The following JAK1 variants were observed in gnomAD, a reference collection of about 807,000 sequenced individuals.
JAK1 encodes the protein tyrosine-protein kinase JAK1.
Under a neutral mutation model 136.6 loss-of-function variants are expected in JAK1, and 16 were observed. That is an observed-to-expected ratio of 0.12 (90% CI 0.08 to 0.18). The LOEUF is 0.18. JAK1 is among the 10% of genes least tolerant of loss of function. The pLI is 1.00. For missense variants in JAK1, 859 were observed against 1,450.1 expected, an observed-to-expected ratio of 0.59 and a Z score of 6.62; for synonymous variants, 492 against 519.5, an observed-to-expected ratio of 0.95 and a Z score of 0.72.
intron 1 of JAK1, among the ~76,000 whole-genome samples, chr1:64,933,183 A>G (rs1294286455): frequency 6.6e-6 from 1 of 152,240 alleles, no homozygotes; most frequent in East Asian, 1.9e-4. Context: ...ACAGATGAGC[A>G]AAACAAGGTA....
At position 65,007,896 on chromosome 1, in the gene JAK1, C is replaced by T. The variant is rs187201824; in HGVS notation, c.-78+36584G>A. On this transcript the variant is annotated intron_variant, in intron 2 of 25. Coordinates refer to the JAK1 transcript ENST00000671954. ...GAGTAAGTGGGGCTACAGGTGCACA[C>T]CACCACACTCAGCTAATTTTTGTAT... Among the ~76,000 whole-genome samples the T allele has an allele frequency of 2.6e-5, 4 of 152,088 alleles. No individual in the cohort carries two copies. The East Asian group carries it at 7.7e-4, about 29-fold the overall frequency.
Position 64,935,005 on chromosome 1 carries a change from C to G in JAK1, c.-78+31328G>C, listed in dbSNP as rs529017707. Among the ~76,000 whole-genome samples, 18 of 152,270 alleles carry G rather than the reference C, an allele frequency of 1.2e-4. No individual in the cohort carries two copies. The East Asian group carries it at 3.5e-3, about 29-fold the overall frequency. ...CAAACCAATTTACTTGAGGACCAAT[C>G]TATTTCTGGCTGTGGGGATATGCAC... On this transcript the variant is annotated intron_variant, in intron 1 of 24. Coordinates refer to ENST00000342505, the MANE Select transcript of JAK1 (RefSeq NM_002227.4).
chr1:65,003,261 A>G (rs1646777490), intron 2 of JAK1, among the ~76,000 whole-genome samples: 1 of 151,716 alleles, frequency 6.6e-6, no homozygotes, highest in Non-Finnish European at 1.5e-5. Flanking sequence ...TGCCCTTTAA[A>G]ATGTGGAGAT....
At chr1:64,873,001 G>A (rs1657166836) in intron 5 of JAK1, among the ~76,000 whole-genome samples, 1 of 151,914 alleles carries the variant, frequency 6.6e-6, no homozygotes, top group Non-Finnish European at 1.5e-5. Flanking sequence ...CATTACTACG[G>A]CTGCTGAGAA....
At chr1:64,932,101 G>A (rs142415193) in intron 1 of JAK1, among the ~76,000 whole-genome samples, 2,695 of 150,982 alleles carry the variant, frequency 0.018, 77 homozygotes, top group African/African-American at 0.061. Context: ...CTGTGAGGTA[G>A]ACATCATGGC....
chr1:65,000,804 T>C (rs1332952433), intron 2 of JAK1, among the ~76,000 whole-genome samples: 1 of 152,144 alleles, frequency 6.6e-6, no homozygotes, highest in Non-Finnish European at 1.5e-5. Flanking sequence ...AAATCTGATT[T>C]TTCTGCAATG....
intron 1 of JAK1, among the ~76,000 whole-genome samples, chr1:65,054,513 A>G (rs1647438925): frequency 6.6e-6 from 1 of 151,946 alleles, no homozygotes; most frequent in African/African-American, 2.4e-5. Flanking sequence ...TTACCTGAGG[A>G]TTCACCAATC....
chr1:64,976,528 T>A (rs956106358), intron 2 of JAK1, among the ~76,000 whole-genome samples: 3 of 152,090 alleles, frequency 2.0e-5, no homozygotes, highest in African/African-American at 7.2e-5. Context: ...TTGGCCAGAG[T>A]CCCCATCATA....
Position 64,883,472 on chromosome 1 carries a change from G to A in JAK1, c.10C>T (p.Leu4=), listed in dbSNP as rs1298453909. The part of the protein sequence containing the change: MQY[L]NIKEDCNAMA... The stretch of plus-strand genomic sequence containing the variant: ...GCATTGCAGTCCTCTTTTATATTTA[G>A]ATACTGTTGTGGAAGGAAAACAAGA... Residue 4 remains leucine (L), a synonymous_variant, in exon 3 of 25, where the codon CTA becomes TTA. Transcript: ENST00000342505. 2 of 1,613,266 alleles carry A rather than the reference G, an allele frequency of 1.2e-6. No individual in the cohort carries two copies. Among genetic ancestry groups the A allele is most frequent in the Non-Finnish European group, 8.5e-7 (1 of 1,179,410 alleles).
intron 2 of JAK1, chr1:64,974,517 C>T (rs971151928): frequency 1.3e-5 from 2 of 152,216 alleles, no homozygotes; most frequent in Non-Finnish European, 2.9e-5. Flanking sequence ...ACCATCCCTA[C>T]CATAGTATGG....
chr1:65,045,921 T>C (rs1647179389), intron 1 of JAK1, among the ~76,000 whole-genome samples: 1 of 152,220 alleles, frequency 6.6e-6, no homozygotes, highest in Non-Finnish European at 1.5e-5. Context: ...ACAAGCTATG[T>C]GATCTTAAAC....
chr1:64,898,056 C>T (rs938851823), intron 1 of JAK1, among the ~76,000 whole-genome samples: 3 of 144,394 alleles, frequency 2.1e-5, no homozygotes, highest in African/African-American at 7.7e-5. Context: ...TGCCCCACCT[C>T]GCTATACACA....
At chr1:64,953,121 T>C (rs1377180017) in intron 1 of JAK1, among the ~76,000 whole-genome samples, 1 of 152,232 alleles carries the variant, frequency 6.6e-6, no homozygotes, top group East Asian at 1.9e-4. Flanking sequence ...ACTTGAATAA[T>C]ATTTACCTAC....
intron 1 of JAK1, among the ~76,000 whole-genome samples, chr1:64,960,562 T>A (rs1646265305): frequency 6.6e-6 from 1 of 152,204 alleles, no homozygotes; most frequent in South Asian, 2.1e-4. Context: ...GTTATTACTA[T>A]CTTCTATGCA....
intron 2 of JAK1, among the ~76,000 whole-genome samples, chr1:64,975,332 G>A (rs1386021227): frequency 6.6e-6 from 1 of 152,196 alleles, no homozygotes; most frequent in Non-Finnish European, 1.5e-5. Flanking sequence ...GTGCAAACAT[G>A]GTGGTGTGTG....
upstream of JAK1, among the ~76,000 whole-genome samples, chr1:64,966,798 A>G (rs1646393725): frequency 6.6e-6 from 1 of 151,232 alleles, no homozygotes; most frequent in African/African-American, 2.4e-5. Flanking sequence ...CTAGGACGCG[A>G]GGTCATCTAT....
chr1:64,933,459 G>A (rs924417118), intron 1 of JAK1, among the ~76,000 whole-genome samples: 1 of 152,220 alleles, frequency 6.6e-6, no homozygotes, highest in African/African-American at 2.4e-5. Flanking sequence ...CAAAATTTCT[G>A]AGGGACTTGC....
In JAK1 at chr1:64,984,902, GC is replaced by G; in HGVS notation, c.-78+59577del. ...AGCCGGCCACTGCCATCACAGCTGGGCCAGGGCCCTGGCTGAAGAGTTCAGC... is the reference window on the plus strand; with the variant it reads ...AGCCGGCCACTGCCATCACAGCTGGGCAGGGCCCTGGCTGAAGAGTTCAGC... On this transcript the variant is annotated intron_variant, in intron 2 of 25. Transcript: ENST00000671954. This position sits in a 1 kb window ranked among gnomAD's most constrained non-coding sequence, Gnocchi z 4.1. 8.4e-7 allele frequency: 1 copy of G among 1,184,736 alleles called. No individual in the cohort carries two copies. Among genetic ancestry groups the G allele is most frequent in the Non-Finnish European group, 1.3e-6 (1 of 792,380 alleles). The allele number at this position is 1,184,736 out of a possible 1,614,324, so 73.4% of individuals were successfully genotyped here. A position where few individuals can be genotyped will look rare whatever the true frequency, so the allele number is the denominator to read the frequency against.
At chr1:64,907,409 A>G (rs937823577) in intron 1 of JAK1, among the ~76,000 whole-genome samples, 6 of 152,214 alleles carry the variant, frequency 3.9e-5, no homozygotes, top group African/African-American at 1.4e-4. Context: ...ATTTAGAAAA[A>G]GTGCTGGACC....
Sources: allele counts gnomAD v4.1 joint callset (sites outside exome capture counted in the v4.1 genomes callset), GRCh38; gene constraint gnomAD v4.1.1; non-coding constraint Gnocchi (gnomAD v3.1); transcripts MANE v1.5; gene names NCBI Gene and HGNC (gene_info 2026-07-23, HGNC 2026-07-21).